MAPKAP1: variants seen among roughly 807,000 people sequenced by gnomAD.
MAPKAP1 encodes target of rapamycin complex 2 subunit MAPKAP1.
MAPKAP1 carries 20 observed loss-of-function variants against 65.7 expected under a neutral mutation model. The ratio of observed to expected loss-of-function variants is 0.30; its 90% CI spans 0.21 to 0.44. The LOEUF is 0.44. Among genes scored for constraint, MAPKAP1 ranks in the 20% least tolerant of loss-of-function variants. The pLI is 1.00. For missense variants in MAPKAP1, 423 were observed against 648.0 expected, an observed-to-expected ratio of 0.65 and a Z score of 3.77; for synonymous variants, 222 against 244.3, an observed-to-expected ratio of 0.91 and a Z score of 0.85.
In MAPKAP1 at chr9:125,447,117, A is replaced by C. The variant is rs1285962149; in HGVS notation, c.1346-2519T>G. 1.3e-5 allele frequency among the ~76,000 whole-genome samples: 2 copies of C among 152,166 alleles called. No homozygotes were observed. Among genetic ancestry groups the C allele is most frequent in the Non-Finnish European group, 2.9e-5 (2 of 68,038 alleles). On this transcript the variant is annotated intron_variant, in intron 10 of 11. Coordinates refer to ENST00000265960, the MANE Select transcript of MAPKAP1 (RefSeq NM_001006617.3). This position sits in a 1 kb window ranked among gnomAD's most constrained non-coding sequence, Gnocchi z 4.5. Reference sequence around the variant, plus strand: ...AGTCTCCTGAAAGGCTGCATATTTGAACCAAGTAACCTCAAATCCCGTCCT... The same window carrying C: ...AGTCTCCTGAAAGGCTGCATATTTGCACCAAGTAACCTCAAATCCCGTCCT...
At chr9:125,602,357 A>C (rs565790927) in intron 4 of MAPKAP1, among the ~76,000 whole-genome samples, 16 of 152,352 alleles carry the variant, frequency 1.1e-4, no homozygotes, top group African/African-American at 3.8e-4. Flanking sequence ...TGTAACTATC[A>C]ACAAAATTTA....
At chr9:125,510,458 G>A (rs1289015010) in intron 7 of MAPKAP1, among the ~76,000 whole-genome samples, 3 of 152,304 alleles carry the variant, frequency 2.0e-5, no homozygotes, top group Non-Finnish European at 4.4e-5. Flanking sequence ...GTCCATGGTA[G>A]TACCATTCCC....
chr9:125,622,812 C>A (rs1313166200), intron 4 of MAPKAP1, among the ~76,000 whole-genome samples: 1 of 151,898 alleles, frequency 6.6e-6, no homozygotes, highest in East Asian at 1.9e-4. Flanking sequence ...CCTCTCCCCT[C>A]TCCCCTCTCC....
intron 5 of MAPKAP1, among the ~76,000 whole-genome samples, chr9:125,562,885 G>A (rs1203183404): frequency 1.3e-5 from 2 of 152,196 alleles, no homozygotes; most frequent in Admixed American, 1.3e-4. Flanking sequence ...GCAGCCAAGA[G>A]CTGTCCCTCT....
chr9:125,482,919 T>C (rs1029657140), intron 9 of MAPKAP1, among the ~76,000 whole-genome samples: 1 of 152,202 alleles, frequency 6.6e-6, no homozygotes, highest in Admixed American at 6.5e-5. Flanking sequence ...GTTCTCTGCA[T>C]GTGCTGCGGC....
chr9:125,493,250 C>T (rs1172277582), intron 8 of MAPKAP1, among the ~76,000 whole-genome samples: 1 of 152,216 alleles, frequency 6.6e-6, no homozygotes, highest in Non-Finnish European at 1.5e-5. Flanking sequence ...CACGCAGAAG[C>T]CCTGCTTCAG....
chr9:125,697,462 TTATAGAGTG>T (rs1373110401), intron 1 of MAPKAP1, among the ~76,000 whole-genome samples: 1 of 152,216 alleles, frequency 6.6e-6, no homozygotes, highest in East Asian at 1.9e-4. Flanking sequence ...GGACCATACT[TTATAGAGTG>T]TCATATCCTT....
intron 10 of MAPKAP1, among the ~76,000 whole-genome samples, chr9:125,444,860 C>A (rs184067394): frequency 6.6e-6 from 1 of 152,272 alleles, no homozygotes; most frequent in Admixed American, 6.5e-5. Context: ...GAAGGCTTTA[C>A]GGAACTGCTG....
intron 7 of MAPKAP1, among the ~76,000 whole-genome samples, chr9:125,516,635 T>C (rs1180021970): frequency 1.3e-5 from 2 of 152,234 alleles, no homozygotes; most frequent in East Asian, 1.9e-4. Context: ...ACAATCTCTA[T>C]TGCTGCTGTG....
chr9:125,594,385 C>G (rs576547560), intron 4 of MAPKAP1, among the ~76,000 whole-genome samples: 1 of 152,200 alleles, frequency 6.6e-6, no homozygotes, highest in African/African-American at 2.4e-5. Context: ...AGAGCACAGA[C>G]TCGGGGTCAG....
chr9:125,589,892 T>C (rs1831902539), intron 4 of MAPKAP1, among the ~76,000 whole-genome samples: 1 of 152,200 alleles, frequency 6.6e-6, no homozygotes, highest in East Asian at 1.9e-4. Flanking sequence ...ACACATTCCC[T>C]TGTGTGGTTT....
intron 1 of MAPKAP1, among the ~76,000 whole-genome samples, chr9:125,685,225 T>C (rs1401648033): frequency 1.3e-5 from 2 of 151,636 alleles, no homozygotes; most frequent in African/African-American, 4.8e-5. Context: ...TGAAGAAAAA[T>C]AGCACAGAGA....
chr9:125,618,912 C>T (rs919121140), intron 4 of MAPKAP1, among the ~76,000 whole-genome samples: 2 of 152,136 alleles, frequency 1.3e-5, no homozygotes, highest in Non-Finnish European at 2.9e-5. Context: ...CAAGAGAATG[C>T]CTTGAGCCCA....
At chr9:125,452,648 G>A (rs575155651) in intron 10 of MAPKAP1, among the ~76,000 whole-genome samples, 3 of 151,888 alleles carry the variant, frequency 2.0e-5, no homozygotes, top group Admixed American at 2.0e-4. Context: ...AGGTGTGGTG[G>A]CTCACGCCTG....
At chr9:125,681,085 A>G (rs905043467) in intron 1 of MAPKAP1, among the ~76,000 whole-genome samples, 1 of 152,218 alleles carries the variant, frequency 6.6e-6, no homozygotes, top group Non-Finnish European at 1.5e-5. Flanking sequence ...ATCTAAAAAC[A>G]AACAAAACTA....
At chr9:125,463,139 C>T (rs921932037) in intron 10 of MAPKAP1, among the ~76,000 whole-genome samples, 5 of 152,208 alleles carry the variant, frequency 3.3e-5, no homozygotes, top group African/African-American at 4.8e-5. Flanking sequence ...GATAGCAAGA[C>T]GTATAATGGG....
intron 3 of MAPKAP1, among the ~76,000 whole-genome samples, chr9:125,666,857 C>T (rs1311142741): frequency 2.6e-5 from 4 of 152,188 alleles, no homozygotes; most frequent in Non-Finnish European, 5.9e-5. Context: ...AGGACCCAGC[C>T]TAAGGGAGAA....
chr9:125,515,466 G>A (rs1829434168), intron 7 of MAPKAP1, among the ~76,000 whole-genome samples: 1 of 152,152 alleles, frequency 6.6e-6, no homozygotes, highest in African/African-American at 2.4e-5. Flanking sequence ...GATAAGATTG[G>A]AAACGAATCT....
chr9:125,652,378 C>T (rs756994454), intron 4 of MAPKAP1: 5 of 583,300 alleles, frequency 8.6e-6, no homozygotes, highest in African/African-American at 2.0e-5. Context: ...ACTTCAGGCT[C>T]GACATTGTGG....
Sources: gnomAD v4.1 joint callset for allele counts (sites outside exome capture counted in the v4.1 genomes callset) on GRCh38, gnomAD v4.1.1 for gene constraint, Gnocchi (gnomAD v3.1) non-coding constraint, MANE v1.5 for transcripts, NCBI Gene and HGNC (gene_info 2026-07-23, HGNC 2026-07-21) for gene names.